HAPLN1: variants seen among roughly 807,000 people sequenced by gnomAD.
The protein encoded by HAPLN1 is hyaluronan and proteoglycan link protein 1.
HAPLN1 carries 13 observed loss-of-function variants against 36.5 expected under a neutral mutation model. That is an observed-to-expected ratio of 0.36 (90% CI 0.23 to 0.57). The LOEUF (loss-of-function observed/expected upper bound fraction) is 0.57. HAPLN1 is among the 20% of genes least tolerant of loss of function. The pLI is 0.83. For missense variants in HAPLN1, 407 were observed against 439.7 expected (o/e 0.93, Z 0.66); for synonymous variants, 202 against 169.8 (o/e 1.19, Z -1.48).
At chr5:83,661,070 T>G (rs1178155848) in intron 2 of HAPLN1, among the ~76,000 whole-genome samples, 1 of 152,152 alleles carries the variant, frequency 6.6e-6, no homozygotes, top group African/African-American at 2.4e-5. Flanking sequence ...AATTCACATC[T>G]CATCAACTCT....
chr5:83,691,752 T>A (rs926367596), intron 1 of HAPLN1, among the ~76,000 whole-genome samples: 2 of 151,586 alleles, frequency 1.3e-5, no homozygotes, highest in African/African-American at 2.4e-5. Context: ...CCAATAATAA[T>A]AGTAATAATA....
chr5:83,671,135 T>A (rs924610537), intron 2 of HAPLN1, among the ~76,000 whole-genome samples: 5 of 152,188 alleles, frequency 3.3e-5, no homozygotes, highest in Admixed American at 2.6e-4. Flanking sequence ...CAAAAATGTA[T>A]CATTAAAATG....
At position 83,708,548 on chromosome 5, in the gene HAPLN1, A is replaced by G. The variant is rs769669833; in HGVS notation, c.-27+12241T>C. On this transcript the variant is annotated intron_variant, in intron 1 of 4. Coordinates refer to ENST00000274341, the MANE Select transcript of HAPLN1 (RefSeq NM_001884.4). ...AACTATAAGAAGGGAACAATAGACA[A>G]TGGGGTCTGTTGAGGGTGGAGGTTG... is the stretch of plus-strand genomic sequence containing the variant. Among the ~76,000 whole-genome samples the G allele has an allele frequency of 1.2e-4, 18 of 152,136 alleles. 1 individual carries two copies. The highest frequency in any genetic ancestry group is 2.5e-4 in the Non-Finnish European group (17 of 68,008).
chr5:83,664,417 C>G (rs1011203299), intron 2 of HAPLN1, among the ~76,000 whole-genome samples: 2 of 152,068 alleles, frequency 1.3e-5, no homozygotes, highest in Admixed American at 6.5e-5. Flanking sequence ...TAGTCTCACT[C>G]TATCACCCAG....
rs750934234 is a variant in HAPLN1 at position 83,641,715 on chromosome 5, A to G, written c.846T>C (p.Asp282=). ...GGCCCACTTTTGCAATCTGAGCACCATCATTGAGACAAGCTTGCACCGCTT... is the reference window on the plus strand; with the variant it reads ...GGCCCACTTTTGCAATCTGAGCACCGTCATTGAGACAAGCTTGCACCGCTT... ...YDEAVQACLN[D]GAQIAKVGQI... is the part of the protein sequence containing the mutation. The change falls in exon 5 of 5, where the codon GAT becomes GAC. Residue 282 remains aspartate (D), a synonymous_variant. Coordinates refer to ENST00000274341, the MANE Select transcript of HAPLN1 (RefSeq NM_001884.4). 6 of 1,614,184 alleles carry G rather than the reference A, an allele frequency of 3.7e-6. No homozygotes were observed. The highest frequency in any genetic ancestry group is 2.5e-6 in the Non-Finnish European group (3 of 1,180,038).
At chr5:83,653,955 C>A (rs1437320629) in intron 2 of HAPLN1, among the ~76,000 whole-genome samples, 2 of 152,248 alleles carry the variant, frequency 1.3e-5, no homozygotes, top group African/African-American at 2.4e-5. Flanking sequence ...TTAATAGCTA[C>A]CAAAGCTGCC....
chr5:83,667,144 T>C (rs1429448521), intron 2 of HAPLN1, among the ~76,000 whole-genome samples: 1 of 152,224 alleles, frequency 6.6e-6, no homozygotes, highest in Non-Finnish European at 1.5e-5. Context: ...ATAAATAAGT[T>C]GTCTATAGGT....
chr5:83,706,614 A>G (rs969330896), intron 1 of HAPLN1, among the ~76,000 whole-genome samples: 1 of 152,230 alleles, frequency 6.6e-6, no homozygotes, highest in African/African-American at 2.4e-5. Flanking sequence ...ACAAACCCAC[A>G]GTCAACATTA....
intron 1 of HAPLN1, among the ~76,000 whole-genome samples, chr5:83,678,220 G>GGTGTGTGT (rs56962854): frequency 0.014 from 2,023 of 142,586 alleles, 18 homozygotes; most frequent in African/African-American, 0.023. Context: ...CTATAGTTTG[G>GGTGTGTGT]GTGTGTGTGT....
chr5:83,703,698 T>TA (rs1465308355), intron 1 of HAPLN1, among the ~76,000 whole-genome samples: 3 of 152,112 alleles, frequency 2.0e-5, no homozygotes, highest in South Asian at 2.1e-4. Context: ...TGAGATTATG[T>TA]AAAAAAACTA....
At position 83,641,585 on chromosome 5, in the gene HAPLN1, T is replaced by G. The variant is rs1749698358; in HGVS notation, c.976A>C (p.Ser326Arg). 1 of 1,614,122 alleles carries G rather than the reference T, an allele frequency of 6.2e-7. No individual in the cohort carries two copies. Among genetic ancestry groups the G allele is most frequent in the African/African-American group, 1.3e-5 (1 of 74,950 alleles). Residue 326 changes from serine to arginine, a missense_variant, in exon 5 of 5, where the codon AGT becomes CGT. Ser to Arg is a moderately radical substitution (Grantham distance 110). Transcript: ENST00000274341. Reference sequence around the variant, plus strand: ...AAGCGCACTGCAGCCTCAGTAGGACTGCAGCGCCTTCTTGGCCTAGAGATG... The same window carrying G: ...AAGCGCACTGCAGCCTCAGTAGGACGGCAGCGCCTTCTTGGCCTAGAGATG... The part of the protein sequence containing the change: ...YPISRPRRRC[S>R]PTEAAVRFVG...
chr5:83,701,917 C>A (rs1751515638), intron 1 of HAPLN1, among the ~76,000 whole-genome samples: 1 of 137,932 alleles, frequency 7.2e-6, no homozygotes. Flanking sequence ...CAGAGCGAGA[C>A]TTCGACAAAA....
At chr5:83,708,715 A>G (rs1751706941) in intron 1 of HAPLN1, among the ~76,000 whole-genome samples, 1 of 152,162 alleles carries the variant, frequency 6.6e-6, no homozygotes. Context: ...CTAAAAGTTA[A>G]AAAAAAGGAT....
rs6886352 is a variant in HAPLN1, at chr5:83,698,314, T to C, written c.-27+22475A>G. On this transcript the variant is annotated intron_variant, in intron 1 of 4. Transcript: ENST00000274341. ...AGCTCCATTGTATGTTATTTTTTTCTTTTTCTTTTCCTGCTTTGTAAGGAG... is the reference window on the plus strand; with the variant it reads ...AGCTCCATTGTATGTTATTTTTTTCCTTTTCTTTTCCTGCTTTGTAAGGAG... Among the ~76,000 whole-genome samples, 49 of 8,690 alleles carry C rather than the reference T, an allele frequency of 5.6e-3. No individual in the cohort carries two copies. The East Asian group carries it at 0.18, about 31-fold the overall frequency. 5.7% of individuals were successfully genotyped at this position (8,690 alleles called of 152,430 possible). A position where few individuals can be genotyped will look rare whatever the true frequency, so the allele number is the denominator to read the frequency against.
chr5:83,643,506 C>A (rs1246571765), intron 4 of HAPLN1, among the ~76,000 whole-genome samples: 4 of 152,186 alleles, frequency 2.6e-5, no homozygotes, highest in Non-Finnish European at 4.4e-5. Flanking sequence ...CAGGGCCCCA[C>A]ACGGAGAAGG....
chr5:83,644,543 G>A lies in HAPLN1; in HGVS notation c.595C>T (p.Arg199Trp), dbSNP rs201017322. The A allele has an allele frequency of 1.4e-5, 23 of 1,608,058 alleles. No homozygotes were observed. The highest frequency in any genetic ancestry group is 1.1e-4 in the African/African-American group (8 of 74,588). ...ASFDQLYDAW[R>W]GGLDWCNAGW... The stretch of plus-strand genomic sequence containing the variant: ...GCATTGCACCAGTCCAGCCCGCCCC[G>A]CCAGGCGTCGTACAGCTGGTCGAAG... Residue 199 changes from arginine (R) to tryptophan (W), a missense_variant, in exon 4 of 5, where the codon CGG becomes TGG. Arg to Trp is a moderately radical substitution (Grantham distance 101). Coordinates refer to ENST00000274341, the MANE Select transcript of HAPLN1 (RefSeq NM_001884.4).
At chr5:83,649,437 GT>G (rs111884104) in intron 3 of HAPLN1, among the ~76,000 whole-genome samples, 10 of 150,548 alleles carry the variant, frequency 6.6e-5, no homozygotes, top group African/African-American at 2.2e-4. Context: ...CAAGTATCTG[GT>G]TTTTTTTTGT....
intron 1 of HAPLN1, among the ~76,000 whole-genome samples, chr5:83,683,112 G>A (rs1751044976): frequency 6.6e-6 from 1 of 152,104 alleles, no homozygotes. Flanking sequence ...AAATATACAT[G>A]AGTAAAATAC....
At chr5:83,716,562 T>C (rs941983456) in intron 1 of HAPLN1, among the ~76,000 whole-genome samples, 8 of 152,186 alleles carry the variant, frequency 5.3e-5, no homozygotes, top group Non-Finnish European at 8.8e-5. Flanking sequence ...TAATAACAGC[T>C]ATCTCCTTCC....
Sources: allele counts gnomAD v4.1 joint callset (sites outside exome capture counted in the v4.1 genomes callset), GRCh38; gene constraint gnomAD v4.1.1; transcripts MANE v1.5; gene names NCBI Gene and HGNC (gene_info 2026-07-23, HGNC 2026-07-21).